The following STPG2 variants were observed in gnomAD, a reference collection of about 807,000 sequenced individuals.
STPG2 encodes the protein sperm tail PG-rich repeat containing 2.
STPG2 carries 56 observed loss-of-function variants against 54.2 expected under a neutral mutation model. That is an observed-to-expected ratio of 1.03 (90% CI 0.83 to 1.29). STPG2 has a LOEUF of 1.29. Among genes scored for constraint, STPG2 ranks in the 50% most tolerant of loss-of-function variants. STPG2 has a pLI of 0.00. For synonymous variants in STPG2, 200 were observed against 181.8 expected, an observed-to-expected ratio of 1.10 and a Z score of -0.81; for missense variants, 596 against 544.9, an observed-to-expected ratio of 1.09 and a Z score of -0.93.
intron 9 of STPG2, among the ~76,000 whole-genome samples, chr4:97,783,867 A>T (rs1726733316): frequency 6.6e-6 from 1 of 151,670 alleles, no homozygotes. Flanking sequence ...GGTGGGAACA[A>T]TGCGAACACT....
chr4:97,859,502 C>T (rs1189422618), intron 8 of STPG2, among the ~76,000 whole-genome samples: 5 of 143,574 alleles, frequency 3.5e-5, no homozygotes, highest in South Asian at 2.2e-4. Flanking sequence ...CTCACTCTGT[C>T]GCCCAGGCAG....
intron 5 of STPG2, among the ~76,000 whole-genome samples, chr4:98,024,648 A>G (rs1310241960): frequency 6.6e-6 from 1 of 152,232 alleles, no homozygotes; most frequent in Admixed American, 6.5e-5. Context: ...ATTTTTGTAC[A>G]GATATTTGAC....
At chr4:97,658,681 T>C (rs1259046547) in intron 10 of STPG2, among the ~76,000 whole-genome samples, 1 of 152,180 alleles carries the variant, frequency 6.6e-6, no homozygotes, top group Admixed American at 6.5e-5. Context: ...GATGTGGACA[T>C]GAGTGGGACA....
Position 97,986,202 on chromosome 4 carries a change from C to T in STPG2, c.613-4884G>A, listed in dbSNP as rs868204609. On this transcript the variant is annotated intron_variant, in intron 5 of 10. Transcript: ENST00000295268. ...TTAAGTACAATAAAATCAAAGTAGTCGTCTATAGTCACCTGAAGGTTAATA... is the reference window on the plus strand; with the variant it reads ...TTAAGTACAATAAAATCAAAGTAGTTGTCTATAGTCACCTGAAGGTTAATA... Among the ~76,000 whole-genome samples, 3 of 152,234 alleles carry T rather than the reference C, an allele frequency of 2.0e-5. No homozygotes were observed. In the Middle Eastern group the frequency reaches 0.01, roughly 518 times the overall value.
intron 4 of STPG2, among the ~76,000 whole-genome samples, chr4:97,520,598 C>A (rs767321895): frequency 7.2e-5 from 11 of 151,982 alleles, no homozygotes; most frequent in Non-Finnish European, 1.6e-4. Flanking sequence ...GTTATAGAAT[C>A]TTTTTAAGTT....
At chr4:97,971,130 G>T (rs1734310021) in intron 7 of STPG2, among the ~76,000 whole-genome samples, 1 of 152,184 alleles carries the variant, frequency 6.6e-6, no homozygotes, top group South Asian at 2.1e-4. Flanking sequence ...TTAGAATGGT[G>T]ATCATTAAAA....
At chr4:97,833,996 T>C (rs1728557007) in intron 9 of STPG2, among the ~76,000 whole-genome samples, 1 of 152,090 alleles carries the variant, frequency 6.6e-6, no homozygotes, top group Admixed American at 6.6e-5. Flanking sequence ...GACCCAGCAA[T>C]CCCATTACTG....
intron 5 of STPG2, among the ~76,000 whole-genome samples, chr4:98,029,278 A>T (rs775622816): frequency 6.6e-6 from 1 of 152,146 alleles, no homozygotes; most frequent in Non-Finnish European, 1.5e-5. Context: ...AGACCAGAGT[A>T]GTGAAATAGC....
intron 6 of STPG2, among the ~76,000 whole-genome samples, chr4:97,977,736 T>C (rs1441578966): frequency 6.6e-6 from 1 of 152,070 alleles, no homozygotes; most frequent in African/African-American, 2.4e-5. Context: ...AGACTCAATC[T>C]CTCCATGGAA....
In STPG2 at chr4:97,754,478, G is replaced by C. The variant is rs571709710; in HGVS notation, c.1205-41664C>G. 3.9e-5 allele frequency among the ~76,000 whole-genome samples: 6 copies of C among 152,162 alleles called. No individual in the cohort carries two copies. In the East Asian group the frequency reaches 1.2e-3, roughly 29 times the overall value. On this transcript the variant is annotated intron_variant, in intron 9 of 10. Transcript: ENST00000295268. ...TAGAATAAGATGTTGCTGGATTCTA[G>C]AATTGCAAATAAAAGTCTATTAAGG...
At chr4:97,909,885 C>T (rs1414814394) in intron 8 of STPG2, among the ~76,000 whole-genome samples, 2 of 152,086 alleles carry the variant, frequency 1.3e-5, no homozygotes, top group Non-Finnish European at 2.9e-5. Context: ...TAAGGATACT[C>T]ACTTGCACCA....
rs550223523 is a variant in STPG2, at chr4:97,617,861, A to G, written c.1321-58744T>C. On this transcript the variant is annotated intron_variant, in intron 10 of 10. Coordinates refer to ENST00000295268, the MANE Select transcript of STPG2 (RefSeq NM_174952.3). ...TATGCTAGAAACTGGGAAACCCTAT[A>G]CTACATTATGATGATATACATCATA... is the stretch of plus-strand genomic sequence containing the variant. Among the ~76,000 whole-genome samples the G allele has an allele frequency of 1.3e-4, 20 of 152,280 alleles. No homozygotes were observed. In the South Asian group the frequency reaches 3.5e-3, roughly 27 times the overall value.
At chr4:98,024,384 A>G (rs1288896614) in intron 5 of STPG2, among the ~76,000 whole-genome samples, 2 of 152,184 alleles carry the variant, frequency 1.3e-5, no homozygotes, top group African/African-American at 4.8e-5. Flanking sequence ...CAACTGGAAC[A>G]CCTATTATTT....
chr4:97,569,833 A>T (rs1732553588), intron 10 of STPG2, among the ~76,000 whole-genome samples: 1 of 152,142 alleles, frequency 6.6e-6, no homozygotes, highest in South Asian at 2.1e-4. Context: ...TAAATTATTA[A>T]TTATAAAAGG....
chr4:97,881,977 G>C (rs755021469), intron 8 of STPG2, among the ~76,000 whole-genome samples: 11 of 151,984 alleles, frequency 7.2e-5, no homozygotes, highest in Non-Finnish European at 1.0e-4. Flanking sequence ...ACCTATAAAA[G>C]AGCAATAAAT....
chr4:97,678,760 T>G (rs1402402365), intron 10 of STPG2, among the ~76,000 whole-genome samples: 1 of 151,520 alleles, frequency 6.6e-6, no homozygotes, highest in Admixed American at 6.6e-5. Flanking sequence ...TATCTCCTAA[T>G]GCTATCCCTC....
At chr4:98,002,891 TA>T (rs1192560615) in intron 5 of STPG2, among the ~76,000 whole-genome samples, 2 of 152,048 alleles carry the variant, frequency 1.3e-5, no homozygotes, top group African/African-American at 4.8e-5. Flanking sequence ...ATTTTGGTAA[TA>T]AAAACCAGCC....
intron 4 of STPG2, among the ~76,000 whole-genome samples, chr4:97,526,936 C>G (rs10026810): frequency 0.19 from 28,411 of 151,622 alleles, 3,069 homozygotes; most frequent in Middle Eastern, 0.29. Context: ...CTAGGGAATC[C>G]ATTCCCCATT....
chr4:97,830,663 TA>T (rs1364920822), intron 9 of STPG2, among the ~76,000 whole-genome samples: 2 of 151,880 alleles, frequency 1.3e-5, no homozygotes, highest in African/African-American at 2.4e-5. Flanking sequence ...AGGCTCAAAA[TA>T]AAGGGATGGA....
Sources: gnomAD v4.1 joint callset for allele counts (sites outside exome capture counted in the v4.1 genomes callset) on GRCh38, gnomAD v4.1.1 for gene constraint, MANE v1.5 for transcripts, NCBI Gene and HGNC (gene_info 2026-07-23, HGNC 2026-07-21) for gene names.